The following DPP6 variants were observed in gnomAD, a reference collection of about 807,000 sequenced individuals.
DPP6 encodes dipeptidyl peptidase like 6, also known as A-type potassium channel modulatory protein DPP6.
DPP6 carries 69 observed loss-of-function variants against 122.6 expected under a neutral mutation model. The observed-to-expected ratio is 0.56, with a 90% CI of 0.46 to 0.69. The LOEUF is 0.69. Ranked by LOEUF, DPP6 falls within the 30% of genes least tolerant of loss-of-function variation. DPP6 has a pLI of 0.00. For synonymous variants in DPP6, 418 were observed against 433.1 expected, an observed-to-expected ratio of 0.97 and a Z score of 0.43; for missense variants, 928 against 1,116.9, an observed-to-expected ratio of 0.83 and a Z score of 2.41.
At chr7:154,551,321 T>G (rs1019634208) in intron 4 of DPP6, among the ~76,000 whole-genome samples, 10 of 152,204 alleles carry the variant, frequency 6.6e-5, no homozygotes, top group African/African-American at 2.4e-4. Context: ...CTCTCTTTTT[T>G]GGGGGAGGTG....
intron 16 of DPP6, among the ~76,000 whole-genome samples, chr7:154,808,669 C>T (rs1252690202): frequency 6.6e-6 from 1 of 152,112 alleles, no homozygotes; most frequent in East Asian, 1.9e-4. Flanking sequence ...CATCTGTCTC[C>T]TAGGGCGGGA....
At chr7:153,828,878 A>G in the DPP6 span, among the ~76,000 whole-genome samples, 1 of 152,216 alleles carries the variant, frequency 6.6e-6, no homozygotes, top group African/African-American at 2.4e-5. Context: ...AAATAATACT[A>G]AAACCAAATT....
rs1366176755 is a variant in DPP6 at position 154,618,979 on chromosome 7, C to T, written c.628-18842C>T. On this transcript the variant is annotated intron_variant, in intron 5 of 25. Coordinates refer to ENST00000377770, the MANE Select transcript of DPP6 (RefSeq NM_130797.4). This position sits in a 1 kb window ranked among gnomAD's most constrained non-coding sequence, Gnocchi z 4.1. ...GGGGGCAGGTTTTTCCCATGCTGTT[C>T]TCGTGAGAGTAAATGAGTCTTACAA... Among the ~76,000 whole-genome samples, 1 of 152,108 alleles carries T rather than the reference C, an allele frequency of 6.6e-6. No homozygotes were observed. The highest frequency in any genetic ancestry group is 6.5e-5 in the Admixed American group (1 of 15,274).
At chr7:154,356,125 T>C (rs184083258) in intron 1 of DPP6, among the ~76,000 whole-genome samples, 2 of 152,348 alleles carry the variant, frequency 1.3e-5, no homozygotes, top group East Asian at 3.9e-4. Context: ...ATTTCCATTT[T>C]CTGTTTTTTC....
chr7:154,489,740 A>T (rs1365948753), intron 3 of DPP6, among the ~76,000 whole-genome samples: 3 of 152,118 alleles, frequency 2.0e-5, no homozygotes, highest in Admixed American at 2.0e-4. Context: ...TCCAGAAAAA[A>T]AAACAGGTGA....
At chr7:154,211,003 G>C (rs998553871) in intron 1 of DPP6, among the ~76,000 whole-genome samples, 1 of 152,270 alleles carries the variant, frequency 6.6e-6, no homozygotes, top group East Asian at 1.9e-4. Flanking sequence ...TCAGTTAGTC[G>C]ATAGTGGAGC....
At chr7:154,824,857 G>A (rs899496933) in intron 16 of DPP6, among the ~76,000 whole-genome samples, 36 of 152,166 alleles carry the variant, frequency 2.4e-4, no homozygotes, top group African/African-American at 8.7e-4. Flanking sequence ...ACCCCTCTTT[G>A]TGTCATATAA....
intron 1 of DPP6, among the ~76,000 whole-genome samples, chr7:154,431,243 A>G (rs1367505302): frequency 6.6e-6 from 1 of 152,072 alleles, no homozygotes; most frequent in African/African-American, 2.4e-5. Flanking sequence ...ATGCAGTTAC[A>G]TCATCACTGA....
intron 1 of DPP6, chr7:154,305,465 C>A: frequency 6.3e-7 from 1 of 1,575,020 alleles, no homozygotes; most frequent in Non-Finnish European, 8.6e-7. Flanking sequence ...ACCCCACCTG[C>A]CCCGGTGGTG....
chr7:154,767,875 T>C (rs1796005592), intron 8 of DPP6, among the ~76,000 whole-genome samples: 1 of 152,168 alleles, frequency 6.6e-6, no homozygotes, highest in Non-Finnish European at 1.5e-5. Context: ...AGACTCGGCA[T>C]TGCCTTCGGT....
At chr7:154,155,878 A>T (rs1481205511) in intron 1 of DPP6, among the ~76,000 whole-genome samples, 1 of 152,084 alleles carries the variant, frequency 6.6e-6, no homozygotes, top group Non-Finnish European at 1.5e-5. Flanking sequence ...GTTCACTTAA[A>T]TATTGTCAAG....
chr7:154,542,233 T>C (rs1828786279), intron 4 of DPP6, among the ~76,000 whole-genome samples: 1 of 152,158 alleles, frequency 6.6e-6, no homozygotes, highest in African/African-American at 2.4e-5. Flanking sequence ...CAAATGAATG[T>C]GCCTGCATTT....
intron 1 of DPP6, among the ~76,000 whole-genome samples, chr7:153,989,884 A>G (rs553533444): frequency 3.8e-3 from 570 of 151,636 alleles, no homozygotes; most frequent in Non-Finnish European, 2.8e-3. Context: ...CCTGTCTCCA[A>G]TGTCCCCTGA....
chr7:154,659,137 A>G (rs1258712929), intron 6 of DPP6, among the ~76,000 whole-genome samples: 1 of 152,210 alleles, frequency 6.6e-6, no homozygotes, highest in African/African-American at 2.4e-5. Context: ...TCAAATTCCA[A>G]TGCAAAAATA....
At chr7:154,574,778 TATG>T (rs1349140724) in intron 5 of DPP6, among the ~76,000 whole-genome samples, 1 of 109,700 alleles carries the variant, frequency 9.1e-6, no homozygotes, top group African/African-American at 3.9e-5. Context: ...GTGTGGTGCA[TATG>T]TGTGTGTGTG....
In DPP6 at chr7:154,060,296, TC is replaced by T. The variant is rs1294885620; in HGVS notation, c.243+7240del. On this transcript the variant is annotated intron_variant, in intron 1 of 25. Coordinates refer to ENST00000377770, the MANE Select transcript of DPP6 (RefSeq NM_130797.4). ...GCAGGGACTGAGAGGCAATCCCTCT[TC>T]CCCCCCTGGCTCTTAGGACCCCCAT... Among the ~76,000 whole-genome samples, 8 of 132,514 alleles carry T rather than the reference TC, an allele frequency of 6.0e-5. 1 individual carries two copies. Among genetic ancestry groups the T allele is most frequent in the African/African-American group, 2.0e-4 (7 of 34,790 alleles). 86.9% of individuals were successfully genotyped at this position (132,514 alleles called of 152,430 possible). A position where few individuals can be genotyped will look rare whatever the true frequency, so the allele number is the denominator to read the frequency against.
At position 154,744,438 on chromosome 7, in the gene DPP6, G is replaced by A. The variant is rs146743087; in HGVS notation, c.883+16551G>A. The stretch of plus-strand genomic sequence containing the variant: ...CCTGGCGGCCAGCCGAGGCATGTTC[G>A]GGGAGCCGATCCTCCTCCCTGGGCC... On this transcript the variant is annotated intron_variant, in intron 8 of 25. Coordinates refer to ENST00000377770, the MANE Select transcript of DPP6 (RefSeq NM_130797.4). Among the ~76,000 whole-genome samples, 284 of 152,318 alleles carry A rather than the reference G, an allele frequency of 1.9e-3. 3 individuals carry two copies. Among genetic ancestry groups the A allele is most frequent in the African/African-American group, 6.3e-3 (261 of 41,574 alleles).
intron 1 of DPP6, among the ~76,000 whole-genome samples, chr7:153,914,457 G>A (rs1034249311): frequency 8.5e-5 from 13 of 152,166 alleles, no homozygotes; most frequent in African/African-American, 3.1e-4. Context: ...TTTCTCTTCA[G>A]TAGGAGCCCT....
intron 1 of DPP6, among the ~76,000 whole-genome samples, chr7:154,138,743 C>T (rs1179570721): frequency 5.3e-5 from 8 of 151,622 alleles, no homozygotes; most frequent in Admixed American, 5.3e-4. Context: ...TGAGCTTGAG[C>T]AATTACTTTT....
Sources: gnomAD v4.1 joint callset for allele counts (sites outside exome capture counted in the v4.1 genomes callset) on GRCh38, gnomAD v4.1.1 for gene constraint, Gnocchi (gnomAD v3.1) non-coding constraint, MANE v1.5 for transcripts, NCBI Gene and HGNC (gene_info 2026-07-23, HGNC 2026-07-21) for gene names.